Variants in TNRC6B observed in about 807,000 individuals in gnomAD.
The protein encoded by TNRC6B is trinucleotide repeat-containing gene 6B protein.
A neutral mutation model predicts 203.6 loss-of-function variants in TNRC6B; 52 were observed. The observed-to-expected ratio is 0.26, with a 90% CI of 0.20 to 0.32. The LOEUF (loss-of-function observed/expected upper bound fraction) is 0.32, where lower values mean the gene tolerates loss of function less well. TNRC6B is among the 10% of genes least tolerant of loss of function. The pLI is 1.00. For missense variants in TNRC6B, 1,923 were observed against 2,286.2 expected (o/e 0.84, Z 3.24); for synonymous variants, 838 against 845.7 (o/e 0.99, Z 0.16).
At chr22:40,078,719 A>G (rs2146287130) in intron 1 of TNRC6B, among the ~76,000 whole-genome samples, 1 of 151,978 alleles carries the variant, frequency 6.6e-6, no homozygotes, top group South Asian at 2.1e-4. Context: ...CAGCCTCCCA[A>G]ATAGCTGGGA....
chr22:40,090,736 T>C (rs943740657), intron 1 of TNRC6B, among the ~76,000 whole-genome samples: 3 of 152,166 alleles, frequency 2.0e-5, no homozygotes, highest in Non-Finnish European at 4.4e-5. Context: ...CCCATTCAAT[T>C]GAAAAATCCT....
chr22:40,280,923 T>G (rs2070714431), intron 10 of TNRC6B, among the ~76,000 whole-genome samples, 196 bp from the exon 11 acceptor site: 1 of 152,254 alleles, frequency 6.6e-6, no homozygotes, highest in African/African-American at 2.4e-5. Context: ...AAGAAAAATC[T>G]ATATCAAAGA....
chr22:40,188,223 C>T (rs374090249), intron 1 of TNRC6B, among the ~76,000 whole-genome samples: 4 of 152,014 alleles, frequency 2.6e-5, no homozygotes, highest in East Asian at 1.9e-4. Flanking sequence ...AAAAATAAAA[C>T]AAAATAAAGA....
intron 2 of TNRC6B, among the ~76,000 whole-genome samples, chr22:40,248,766 A>G (rs2070143670): frequency 6.6e-6 from 1 of 152,250 alleles, no homozygotes; most frequent in Admixed American, 6.5e-5. Flanking sequence ...GATTAATTTT[A>G]TGAACAATAA....
chr22:40,237,090 G>C (rs2069958077), intron 1 of TNRC6B, among the ~76,000 whole-genome samples: 1 of 152,184 alleles, frequency 6.6e-6, no homozygotes, highest in Non-Finnish European at 1.5e-5. Flanking sequence ...ACTTGAACCT[G>C]GGAGGCGGAG....
At chr22:40,141,115 C>A (rs1167135422) in intron 3 of TNRC6B, among the ~76,000 whole-genome samples, 1 of 150,234 alleles carries the variant, frequency 6.7e-6, no homozygotes, top group Non-Finnish European at 1.5e-5. Flanking sequence ...CTTCAAATTT[C>A]TCTCTCTCTA....
intron 1 of TNRC6B, among the ~76,000 whole-genome samples, chr22:40,207,579 T>C (rs2069499317): frequency 6.6e-6 from 1 of 151,758 alleles, no homozygotes; most frequent in African/African-American, 2.4e-5. Context: ...TCAGTACCTG[T>C]GATCAACAGA....
intron 4 of TNRC6B, among the ~76,000 whole-genome samples, chr22:40,161,930 A>T (rs1329832656): frequency 1.3e-5 from 2 of 152,194 alleles, no homozygotes; most frequent in African/African-American, 2.4e-5. Flanking sequence ...GACAGCTTTT[A>T]AAAAAGCAGC....
At chr22:40,263,736 T>C (rs1316537738) in intron 4 of TNRC6B, among the ~76,000 whole-genome samples, 2 of 152,188 alleles carry the variant, frequency 1.3e-5, no homozygotes, top group Non-Finnish European at 2.9e-5. Flanking sequence ...ATTTAACAGA[T>C]TAAGTTCCTT....
intron 19 of TNRC6B, among the ~76,000 whole-genome samples, chr22:40,313,737 C>G (rs2071219620): frequency 1.3e-5 from 2 of 152,216 alleles, no homozygotes; most frequent in Admixed American, 1.3e-4. Context: ...TTGTCTTGTT[C>G]TCCTTCCCAC....
intron 1 of TNRC6B, among the ~76,000 whole-genome samples, chr22:40,217,030 C>G (rs779241479): frequency 3.3e-5 from 5 of 152,154 alleles, no homozygotes; most frequent in African/African-American, 4.8e-5. Context: ...TTCTGTCTGA[C>G]CAATGCAGCT....
intron 4 of TNRC6B, among the ~76,000 whole-genome samples, chr22:40,159,878 C>G (rs2068856470): frequency 6.6e-6 from 1 of 152,024 alleles, no homozygotes; most frequent in Non-Finnish European, 1.5e-5. Context: ...ATGGTACGAT[C>G]ATAGCTCACT....
intron 1 of TNRC6B, among the ~76,000 whole-genome samples, chr22:40,199,076 G>T (rs1157830272): frequency 6.6e-6 from 1 of 152,054 alleles, no homozygotes; most frequent in African/African-American, 2.4e-5. Flanking sequence ...ATGCCAAAAG[G>T]ACCCAGAGTC....
intron 1 of TNRC6B, among the ~76,000 whole-genome samples, chr22:40,078,801 C>T (rs1479375660): frequency 6.6e-6 from 1 of 151,486 alleles, no homozygotes; most frequent in Non-Finnish European, 1.5e-5. Flanking sequence ...TTGCCAGGTG[C>T]GGTGGCTCGT....
intron 3 of TNRC6B, among the ~76,000 whole-genome samples, chr22:40,154,840 C>CAAAAAAAAAAAAA (rs57206167): frequency 3.4e-5 from 1 of 29,228 alleles, no homozygotes; most frequent in Non-Finnish European, 5.5e-5. Context: ...GACTCTATCT[C>CAAAAAAAAAAAAA]AAAAAAAAAA....
At chr22:40,239,290 G>T (rs918472815) in intron 1 of TNRC6B, among the ~76,000 whole-genome samples, 1 of 152,206 alleles carries the variant, frequency 6.6e-6, no homozygotes, top group Admixed American at 6.5e-5. Flanking sequence ...TAGTAGAAGA[G>T]AGCCAAGTCA....
At chr22:40,278,096 T>C in intron 9 of TNRC6B, 52 bp downstream of exon 9, 5 of 1,425,324 alleles carry the variant, frequency 3.5e-6, no homozygotes, top group Non-Finnish European at 4.8e-6. Flanking sequence ...TACAGTGTCC[T>C]TTTGGCATCT....
In TNRC6B at chr22:40,229,445, C is replaced by CT. The variant is rs796133952; in HGVS notation, c.6-16558dup. 8.8e-4 allele frequency among the ~76,000 whole-genome samples: 128 copies of CT among 145,522 alleles called. 1 individual carries two copies. Among genetic ancestry groups the CT allele is most frequent in the Admixed American group, 2.4e-3 (35 of 14,500 alleles). ...ATTCCAGGTATCCCTGTAGGAAAGGCTTTTTTTTTTTTCTCTCTCTTCTTT... is the reference window on the plus strand; with the variant it reads ...ATTCCAGGTATCCCTGTAGGAAAGGCTTTTTTTTTTTTTCTCTCTCTTCTTT... On this transcript the variant is annotated intron_variant, in intron 1 of 22. Coordinates refer to ENST00000454349, the MANE Select transcript of TNRC6B (RefSeq NM_001162501.2).
At position 40,326,671 on chromosome 22, in the gene TNRC6B, A is replaced by C. The variant is rs892969835; in HGVS notation, c.*3430A>C. The stretch of plus-strand genomic sequence containing the variant: ...AGAAAGGAAGGAAGGAAGAAACAAC[A>C]GCTTAAAAAAAAAAGTAATCTGTAA... On this transcript the variant is annotated 3_prime_UTR_variant, in exon 23 of 23. Coordinates refer to ENST00000454349, the MANE Select transcript of TNRC6B (RefSeq NM_001162501.2). The C allele has an allele frequency of 3.3e-5, 5 of 152,598 alleles. No homozygotes were observed. The highest frequency in any genetic ancestry group is 1.2e-4 in the African/African-American group (5 of 41,430). The allele number at this position is 152,598 out of a possible 1,614,324, so 9.5% of individuals were successfully genotyped here.
Sources: allele counts gnomAD v4.1 joint callset (sites outside exome capture counted in the v4.1 genomes callset), GRCh38; gene constraint gnomAD v4.1.1; transcripts MANE v1.5; gene names NCBI Gene and HGNC (gene_info 2026-07-23, HGNC 2026-07-21).